The following ALG8 variants were observed in gnomAD, a reference collection of about 807,000 sequenced individuals.
ALG8 encodes the protein ALG8 alpha-1,3-glucosyltransferase.
Under a neutral mutation model 70.2 loss-of-function variants are expected in ALG8, and 48 were observed. That is an observed-to-expected ratio of 0.68 (90% CI 0.54 to 0.87). The LOEUF (loss-of-function observed/expected upper bound fraction) is 0.87, where lower values mean the gene tolerates loss of function less well. Ranked by LOEUF, ALG8 falls within the 40% of genes least tolerant of loss-of-function variation. The pLI is 0.00. For synonymous variants in ALG8, 234 were observed against 229.0 expected (o/e 1.02, Z -0.20); for missense variants, 572 against 608.7 (o/e 0.94, Z 0.64).
chr11:78,102,274 A>C (rs996937593), intron 12 of ALG8, among the ~76,000 whole-genome samples: 12 of 152,152 alleles, frequency 7.9e-5, no homozygotes, highest in African/African-American at 2.7e-4. Context: ...TTCTGTCTCT[A>C]TGTTTGTTTA....
Position 78,139,528 on chromosome 11 carries a change from C to A in ALG8, c.61G>T (p.Val21Leu). 1 of 1,563,656 alleles carries A rather than the reference C, an allele frequency of 6.4e-7. No homozygotes were observed. The highest frequency in any genetic ancestry group is 8.7e-7 in the Non-Finnish European group (1 of 1,153,488). Reference protein sequence around the residue: ...GNWFSALALGVTLLKCLLIPT... With the variant: ...GNWFSALALGLTLLKCLLIPT... ...ATGAGAAGGCATTTGAGAAGAGTCA[C>A]CCCGAGCGCCAAAGCCGAAAACCAA... The change falls in exon 1 of 13, where the codon GTG (valine) becomes TTG (leucine). Residue 21 changes from valine to leucine, a missense_variant. Val to Leu is a conservative substitution (Grantham distance 32, BLOSUM62 1). Transcript: ENST00000299626.
chr11:78,114,413 A>G, intron 5 of ALG8, 21 bp from the exon 6 acceptor site: 1 of 1,613,086 alleles, frequency 6.2e-7, no homozygotes, highest in Non-Finnish European at 8.5e-7. Context: ...TAAAAGGGAA[A>G]TATCACTTTA....
At chr11:78,122,883 G>A (rs1010392120) in intron 3 of ALG8, among the ~76,000 whole-genome samples, 1 of 152,046 alleles carries the variant, frequency 6.6e-6, no homozygotes, top group African/African-American at 2.4e-5. Flanking sequence ...ATTCCCAAGG[G>A]ACTCTTTACT....
intron 1 of ALG8, chr11:78,137,288 T>C (rs1471000527): frequency 6.6e-6 from 1 of 152,270 alleles, no homozygotes; most frequent in African/African-American, 2.4e-5. Context: ...TTGCTCTGGA[T>C]AAGGTTTTGG....
chr11:78,125,476 A>C (rs1003703170), intron 2 of ALG8, among the ~76,000 whole-genome samples: 9 of 150,412 alleles, frequency 6.0e-5, no homozygotes, highest in African/African-American at 2.2e-4. Context: ...CTTAAAAAAA[A>C]CTCCCTGGGC....
intron 5 of ALG8, among the ~76,000 whole-genome samples, chr11:78,115,746 C>T (rs775197356): frequency 6.6e-6 from 1 of 152,186 alleles, no homozygotes; most frequent in Non-Finnish European, 1.5e-5. Flanking sequence ...AAAGATTTAT[C>T]ACATACTAAG....
intron 8 of ALG8, among the ~76,000 whole-genome samples, chr11:78,112,217 C>CA (rs1860318883): frequency 1.3e-5 from 2 of 152,232 alleles, no homozygotes; most frequent in South Asian, 4.1e-4. Flanking sequence ...TTTAAGGCTG[C>CA]AGTGCACTAT....
At position 78,106,702 on chromosome 11, in the gene ALG8, GT is replaced by G. The variant is rs1860049260; in HGVS notation, c.1178+104del. ...TGGACATCTGTTCCTATACATCTTT[GT>G]TTTTGCCTATCCTGGTGAACATGAC... is the stretch of plus-strand genomic sequence containing the variant. On this transcript the variant is annotated intron_variant, in intron 10 of 12. Transcript: ENST00000299626. 4 of 1,479,170 alleles carry G rather than the reference GT, an allele frequency of 2.7e-6. No individual in the cohort carries two copies. In the Admixed American group the frequency reaches 6.8e-5, roughly 25 times the overall value. 91.6% of individuals were successfully genotyped at this position (1,479,170 alleles called of 1,614,324 possible). A position where few individuals can be genotyped will look rare whatever the true frequency, so the allele number is the denominator to read the frequency against.
In ALG8 at chr11:78,114,280, G is replaced by A. The variant is rs1860456535; in HGVS notation, c.659C>T (p.Thr220Ile). The change falls in exon 6 of 13, where the codon ACT (threonine) becomes ATT (isoleucine). Residue 220 changes from threonine to isoleucine, a missense_variant. Transcript: ENST00000299626. ...GVYLLRSYCF[T>I]ANKPDGSIRW... ...CCAAAACTTGCCTGGTTTATTTGCAGTGAAACAGTAGGATCGCAGCAGATA... is the reference window on the plus strand; with the variant it reads ...CCAAAACTTGCCTGGTTTATTTGCAATGAAACAGTAGGATCGCAGCAGATA... 1 of 1,613,988 alleles carries A rather than the reference G, an allele frequency of 6.2e-7. No individual in the cohort carries two copies. Among genetic ancestry groups the A allele is most frequent in the Non-Finnish European group, 8.5e-7 (1 of 1,180,026 alleles).
chr11:78,127,547 A>C (rs1001809072), intron 1 of ALG8, 111 bp from the exon 2 acceptor site: 2 of 907,778 alleles, frequency 2.2e-6, no homozygotes, highest in Non-Finnish European at 3.5e-6. Flanking sequence ...GTCACAGCTC[A>C]CTGTCCTATA....
At chr11:78,135,659 C>T (rs1202295428) in intron 1 of ALG8, among the ~76,000 whole-genome samples, 2 of 151,760 alleles carry the variant, frequency 1.3e-5, no homozygotes, top group Non-Finnish European at 2.9e-5. Flanking sequence ...ACCAGCCTGG[C>T]CAATGTGGCA....
intron 6 of ALG8, 88 bp from the exon 7 acceptor site, chr11:78,114,077 C>T (rs1860445647): frequency 2.2e-6 from 3 of 1,388,370 alleles, no homozygotes; most frequent in South Asian, 2.5e-5. Context: ...TAGAAGTATC[C>T]CACAATAGTA....
chr11:78,127,584 C>T (rs1861134009), intron 1 of ALG8, 148 bp from the exon 2 acceptor site: 6 of 729,788 alleles, frequency 8.2e-6, no homozygotes, highest in Non-Finnish European at 1.4e-5. Flanking sequence ...TTACATAATC[C>T]TGTAAAACCT....
At position 78,110,490 on chromosome 11, in the gene ALG8, C is replaced by T. The variant is rs1378012132; in HGVS notation, c.899-909G>A. ...TACAGGCCTGAGCCAACGTGCACAG[C>T]TGAGTGAGCTCACTCTAACAGTGTT... On this transcript the variant is annotated intron_variant, in intron 8 of 12. Coordinates refer to ENST00000299626, the MANE Select transcript of ALG8 (RefSeq NM_024079.5). Among the ~76,000 whole-genome samples, 7 of 152,336 alleles carry T rather than the reference C, an allele frequency of 4.6e-5. No individual in the cohort carries two copies. In the East Asian group the frequency reaches 1.3e-3, roughly 29 times the overall value.
chr11:78,112,742 A>G lies in ALG8; in HGVS notation c.806T>C (p.Leu269Pro). 3.1e-6 allele frequency: 5 copies of G among 1,614,014 alleles called. No homozygotes were observed. The highest frequency in any genetic ancestry group is 4.2e-6 in the Non-Finnish European group (5 of 1,179,900). Reference protein sequence around the residue: ...LNQLPQVFSRLFPFKRGLCHA... With the variant: ...LNQLPQVFSRPFPFKRGLCHA... ...ACAGAGGCCCCTCTTGAAAGGAAAG[A>G]GTCGGGAAAAGACTTGAGGCAGCTG... is the stretch of plus-strand genomic sequence containing the variant. The change falls in exon 8 of 13, where the codon CTC becomes CCC. Residue 269 changes from leucine (L) to proline (P), a missense_variant. Leu to Pro is a moderately conservative substitution (Grantham distance 98, BLOSUM62 -3). Transcript: ENST00000299626.
At chr11:78,125,158 G>C (rs1188653512) in intron 2 of ALG8, among the ~76,000 whole-genome samples, 2 of 151,374 alleles carry the variant, frequency 1.3e-5, no homozygotes, top group East Asian at 2.0e-4. Context: ...TCAGCCTCCC[G>C]AGTAGCTGGG....
chr11:78,122,874 T>A lies in ALG8; in HGVS notation c.368+1147A>T, dbSNP rs567248179. 2.9e-4 allele frequency among the ~76,000 whole-genome samples: 44 copies of A among 152,298 alleles called. No individual in the cohort carries two copies. In the East Asian group the frequency reaches 7.5e-3, roughly 26 times the overall value. Reference sequence around the variant, plus strand: ...TGAGAATGCGCAAGGGTTAAAGACATTCCCAAGGGACTCTTTACTGAGTGG... The same window carrying A: ...TGAGAATGCGCAAGGGTTAAAGACAATCCCAAGGGACTCTTTACTGAGTGG... On this transcript the variant is annotated intron_variant, in intron 3 of 12. Transcript: ENST00000299626.
intron 9 of ALG8, among the ~76,000 whole-genome samples, chr11:78,107,227 T>C (rs1425019140): frequency 1.5e-5 from 2 of 129,084 alleles, no homozygotes; most frequent in African/African-American, 5.5e-5. Context: ...ATATATAATT[T>C]TTTGTTTTTT....
At chr11:78,111,795 A>G (rs1860303222) in intron 8 of ALG8, among the ~76,000 whole-genome samples, 1 of 152,184 alleles carries the variant, frequency 6.6e-6, no homozygotes, top group Non-Finnish European at 1.5e-5. Context: ...ATCCAGAGTG[A>G]GTTATTTTTA....
Sources: allele counts gnomAD v4.1 joint callset (sites outside exome capture counted in the v4.1 genomes callset), GRCh38; gene constraint gnomAD v4.1.1; transcripts MANE v1.5; gene names NCBI Gene and HGNC (gene_info 2026-07-23, HGNC 2026-07-21).